Variants in GRM5 observed in about 807,000 individuals in gnomAD.
The protein encoded by GRM5 is metabotropic glutamate receptor 5.
In GRM5, 19 loss-of-function variants were observed where a neutral mutation model predicts 83.1. That is an observed-to-expected ratio of 0.23 (90% CI 0.16 to 0.34). GRM5 has a LOEUF of 0.34. Ranked by LOEUF, GRM5 falls within the 10% of genes least tolerant of loss-of-function variation. GRM5 has a pLI of 1.00. For synonymous variants in GRM5, 675 were observed against 633.6 expected (o/e 1.07, Z -0.98); for missense variants, 1,160 against 1,588.3 (o/e 0.73, Z 4.58).
chr11:88,572,261 T>A (rs896120083), intron 7 of GRM5, among the ~76,000 whole-genome samples: 2 of 152,134 alleles, frequency 1.3e-5, no homozygotes, highest in African/African-American at 4.8e-5. Context: ...TAGATGTGGA[T>A]GAGAGCAGAG....
intron 3 of GRM5, among the ~76,000 whole-genome samples, chr11:88,830,245 G>T (rs1280236391): frequency 6.6e-6 from 1 of 151,812 alleles, no homozygotes; most frequent in Non-Finnish European, 1.5e-5. Flanking sequence ...TTGATTTGGG[G>T]ATTGGATTTT....
At chr11:89,025,332 G>C (rs925714240) in intron 2 of GRM5, among the ~76,000 whole-genome samples, 1 of 152,126 alleles carries the variant, frequency 6.6e-6, no homozygotes, top group Admixed American at 6.6e-5. Flanking sequence ...AGTTGCTAAG[G>C]ATGGCAACAA....
At chr11:88,524,070 TAGA>T (rs1941782595) in intron 9 of GRM5, 2 of 152,166 alleles carry the variant, frequency 1.3e-5, no homozygotes, top group Admixed American at 1.3e-4. Flanking sequence ...CACAACAAAT[TAGA>T]AGTGAAGAGT....
At chr11:88,861,446 A>C (rs1349136096) in intron 2 of GRM5, among the ~76,000 whole-genome samples, 2 of 140,306 alleles carry the variant, frequency 1.4e-5, no homozygotes, top group Admixed American at 1.4e-4. Flanking sequence ...AGAATTCTCT[A>C]AATTAAGTTT....
At chr11:88,560,532 T>C (rs1019864943) in intron 8 of GRM5, among the ~76,000 whole-genome samples, 2 of 152,152 alleles carry the variant, frequency 1.3e-5, no homozygotes, top group African/African-American at 4.8e-5. Context: ...GAAAAGTTGA[T>C]TTTAGAAAGA....
At chr11:88,660,235 C>T (rs978258053) in intron 3 of GRM5, among the ~76,000 whole-genome samples, 1 of 152,160 alleles carries the variant, frequency 6.6e-6, no homozygotes, top group African/African-American at 2.4e-5. Context: ...CATTAGATTT[C>T]CAGTCACTGA....
At chr11:88,972,608 T>G (rs1392298611) in intron 2 of GRM5, among the ~76,000 whole-genome samples, 2 of 152,128 alleles carry the variant, frequency 1.3e-5, no homozygotes, top group African/African-American at 4.8e-5. Flanking sequence ...AATTATGGAA[T>G]TAGGAGATTA....
chr11:88,769,564 G>A (rs1301411629), intron 3 of GRM5, among the ~76,000 whole-genome samples: 1 of 151,942 alleles, frequency 6.6e-6, no homozygotes, highest in Admixed American at 6.6e-5. Flanking sequence ...GTTCCATTGG[G>A]TAAGGAAGCC....
At chr11:88,883,579 G>C (rs1009186609) in intron 2 of GRM5, among the ~76,000 whole-genome samples, 4 of 152,124 alleles carry the variant, frequency 2.6e-5, no homozygotes, top group African/African-American at 7.2e-5. Flanking sequence ...ATTTTCTGGG[G>C]AGAAATTCAA....
chr11:88,835,389 T>C (rs1163446000), intron 3 of GRM5, among the ~76,000 whole-genome samples: 2 of 152,334 alleles, frequency 1.3e-5, no homozygotes, highest in African/African-American at 2.4e-5. Flanking sequence ...AATTCTGATA[T>C]TCGGCTGGTA....
At chr11:88,840,468 T>C (rs1464336963) in intron 3 of GRM5, among the ~76,000 whole-genome samples, 1 of 152,188 alleles carries the variant, frequency 6.6e-6, no homozygotes, top group Admixed American at 6.5e-5. Context: ...CTGAAACCCT[T>C]TACCCCCACC....
At chr11:88,574,004 T>C (rs1391474598) in intron 7 of GRM5, among the ~76,000 whole-genome samples, 2 of 152,334 alleles carry the variant, frequency 1.3e-5, no homozygotes, top group Middle Eastern at 3.4e-3. Flanking sequence ...GTGTGTGCTG[T>C]GAGACATTGA....
intron 3 of GRM5, among the ~76,000 whole-genome samples, chr11:88,809,649 GAAAT>G (rs1265667765): frequency 2.0e-5 from 3 of 151,664 alleles, no homozygotes; most frequent in African/African-American, 7.3e-5. Flanking sequence ...TTTGGGGAAA[GAAAT>G]AAAATAATAT....
rs185359047 is a variant in GRM5 at position 88,626,341 on chromosome 11, A to C, written c.1148-21377T>G. On this transcript the variant is annotated intron_variant, in intron 4 of 9. Transcript: ENST00000305447. ...CGTGACAATTAAAGCAGAATATATA[A>C]AACAGTCTAATCGGAAACCTTCTGG... Among the ~76,000 whole-genome samples, 7 of 152,366 alleles carry C rather than the reference A, an allele frequency of 4.6e-5. No homozygotes were observed. The East Asian group carries it at 1.3e-3, about 29-fold the overall frequency.
At chr11:88,920,352 A>G (rs540607731) in intron 2 of GRM5, among the ~76,000 whole-genome samples, 2 of 151,748 alleles carry the variant, frequency 1.3e-5, no homozygotes, top group African/African-American at 4.8e-5. Flanking sequence ...GAAGAAATCT[A>G]AAACCTAAAT....
At chr11:88,969,749 A>C (rs1427423590) in intron 2 of GRM5, among the ~76,000 whole-genome samples, 2 of 152,130 alleles carry the variant, frequency 1.3e-5, no homozygotes, top group Admixed American at 6.6e-5. Context: ...TCAAAAAGAA[A>C]GAATATGTAT....
intron 2 of GRM5, among the ~76,000 whole-genome samples, chr11:89,006,849 G>C (rs867477571): frequency 8.5e-5 from 13 of 152,204 alleles, no homozygotes; most frequent in Admixed American, 1.3e-4. Flanking sequence ...CCAGGCTGGA[G>C]TGCAGTGGCG....
rs953681195 is a variant in GRM5 at position 88,802,356 on chromosome 11, T to C, written c.911+47550A>G. Among the ~76,000 whole-genome samples, 15 of 152,250 alleles carry C rather than the reference T, an allele frequency of 9.9e-5. 1 individual carries two copies. In the South Asian group the frequency reaches 1.7e-3, roughly 17 times the overall value. ...TATTTATAGTGTATACATAGTATTC[T>C]GCCATTGAAAGAATAAAATCATGTC... On this transcript the variant is annotated intron_variant, in intron 3 of 9. Transcript: ENST00000305447.
intron 2 of GRM5, among the ~76,000 whole-genome samples, chr11:88,870,382 A>G (rs1944743672): frequency 6.6e-6 from 1 of 151,602 alleles, no homozygotes; most frequent in East Asian, 1.9e-4. Flanking sequence ...GGGTGACTGG[A>G]GGCAAAAATG....
Sources: allele counts gnomAD v4.1 joint callset (sites outside exome capture counted in the v4.1 genomes callset), GRCh38; gene constraint gnomAD v4.1.1; transcripts MANE v1.5; gene names NCBI Gene and HGNC (gene_info 2026-07-23, HGNC 2026-07-21).